Variants in PER3 observed in about 807,000 individuals in gnomAD.
PER3 encodes period circadian regulator 3.
A neutral mutation model predicts 127.2 loss-of-function variants in PER3; 107 were observed. The observed-to-expected ratio is 0.84, with a 90% confidence interval of 0.72 to 0.99. PER3 has a LOEUF of 0.99. Ranked by LOEUF, PER3 falls within the 50% of genes least tolerant of loss-of-function variation. The probability of loss-of-function intolerance (pLI) is 0.00; values close to 1 mark genes in which losing one functional copy is unlikely to be tolerated. For missense variants in PER3, 1,560 were observed against 1,525.8 expected, an observed-to-expected ratio of 1.02 and a Z score of -0.37; for synonymous variants, 618 against 585.8, an observed-to-expected ratio of 1.05 and a Z score of -0.79.
chr1:7,804,088 GTAT>G (rs1374703867), intron 10 of PER3: 1 of 358,722 alleles, frequency 2.8e-6, no homozygotes, highest in Non-Finnish European at 5.0e-6. Flanking sequence ...TTTGCTTGAT[GTAT>G]TATTATATTG....
chr1:7,821,656 C>A (rs979416033), intron 16 of PER3, among the ~76,000 whole-genome samples: 1 of 152,166 alleles, frequency 6.6e-6, no homozygotes, highest in Non-Finnish European at 1.5e-5. Flanking sequence ...TTTCTATACT[C>A]TGCTCTTATA....
At chr1:7,791,041 A>G (rs2097117582) in intron 5 of PER3, among the ~76,000 whole-genome samples, 1 of 152,120 alleles carries the variant, frequency 6.6e-6, no homozygotes, top group African/African-American at 2.4e-5. Context: ...CTCACAGTGC[A>G]AGCTTTTGGT....
intron 7 of PER3, among the ~76,000 whole-genome samples, chr1:7,799,441 A>T (rs977930531): frequency 6.6e-6 from 1 of 152,042 alleles, no homozygotes; most frequent in Non-Finnish European, 1.5e-5. Context: ...CGTCTCTACT[A>T]AAAATTACAA....
intron 21 of PER3, among the ~76,000 whole-genome samples, chr1:7,838,837 T>G (rs2097370303): frequency 6.6e-6 from 1 of 152,232 alleles, no homozygotes; most frequent in South Asian, 2.1e-4. Flanking sequence ...TATCTGTATC[T>G]AGATCTAAAG....
chr1:7,821,840 T>C (rs1179284157), intron 16 of PER3, among the ~76,000 whole-genome samples: 3 of 152,252 alleles, frequency 2.0e-5, no homozygotes, highest in Non-Finnish European at 4.4e-5. Flanking sequence ...TCTATGTCTT[T>C]TGCTTTCTGA....
chr1:7,786,524 G>A (rs1304265744), intron 3 of PER3, among the ~76,000 whole-genome samples, 197 bp from the exon 4 acceptor site: 1 of 152,176 alleles, frequency 6.6e-6, no homozygotes, highest in Non-Finnish European at 1.5e-5. Flanking sequence ...TCCAGAACAT[G>A]CAGAATTCAT....
At chr1:7,839,752 A>G (rs2097375509) in intron 21 of PER3, among the ~76,000 whole-genome samples, 1 of 152,172 alleles carries the variant, frequency 6.6e-6, no homozygotes, top group Non-Finnish European at 1.5e-5. Flanking sequence ...TCTGCTGATA[A>G]TCTTATCGAG....
In PER3 at chr1:7,785,013, G is replaced by C. The variant is rs367837929; in HGVS notation, c.128+8G>C. 9 of 1,570,264 alleles carry C rather than the reference G, an allele frequency of 5.7e-6. No homozygotes were observed. The highest frequency in any genetic ancestry group is 7.7e-6 in the Non-Finnish European group (9 of 1,165,010). On this transcript the variant is annotated splice_region_variant and intron_variant, in intron 2 of 21. Transcript: ENST00000377532. ...GGCGGACAGCAGCCACAGGTGACGC[G>C]CTGGCTTCAGGCCGAGGGCCCCATG...
rs547882305 is a variant in PER3 at position 7,839,431 on chromosome 1, A to C, written c.3549+2282A>C. Among the ~76,000 whole-genome samples the C allele has an allele frequency of 4.3e-4, 66 of 152,372 alleles. No individual in the cohort carries two copies. The South Asian group carries it at 6.0e-3, about 14-fold the overall frequency. Reference sequence around the variant, plus strand: ...AATGTATTAGTTTCTTAAATCATGTAGAAAACAAAAAGTGGAATTGCACAT... The same window carrying C: ...AATGTATTAGTTTCTTAAATCATGTCGAAAACAAAAAGTGGAATTGCACAT... On this transcript the variant is annotated intron_variant, in intron 21 of 21. Coordinates refer to ENST00000377532, the MANE Select transcript of PER3 (RefSeq NM_001377275.1).
intron 16 of PER3, among the ~76,000 whole-genome samples, chr1:7,824,578 T>C (rs1041550252): frequency 6.6e-6 from 1 of 152,232 alleles, no homozygotes; most frequent in Non-Finnish European, 1.5e-5. Flanking sequence ...TTCTTTCTAA[T>C]TGGATGCCAG....
intron 19 of PER3, among the ~76,000 whole-genome samples, chr1:7,833,425 T>C (rs2097342224): frequency 6.6e-6 from 1 of 152,234 alleles, no homozygotes; most frequent in African/African-American, 2.4e-5. Context: ...TTTTGCTTCA[T>C]GTATTTTGAA....
chr1:7,805,689 G>T (rs2097189855), intron 10 of PER3, among the ~76,000 whole-genome samples: 1 of 152,142 alleles, frequency 6.6e-6, no homozygotes, highest in African/African-American at 2.4e-5. Flanking sequence ...TCCGATGGTT[G>T]CTTGGCATGA....
intron 8 of PER3, among the ~76,000 whole-genome samples, chr1:7,802,615 C>T (rs1331610151): frequency 6.6e-6 from 1 of 151,544 alleles, no homozygotes; most frequent in African/African-American, 2.4e-5. Flanking sequence ...GAATTAGCAA[C>T]CTGCATTATT....
intron 16 of PER3, among the ~76,000 whole-genome samples, chr1:7,824,163 C>G (rs996634943): frequency 6.6e-6 from 1 of 151,972 alleles, no homozygotes; most frequent in Non-Finnish European, 1.5e-5. Context: ...TTTAAAAATG[C>G]CGTTAGAGAA....
At chr1:7,812,001 T>C (rs1049381765) in intron 13 of PER3, among the ~76,000 whole-genome samples, 1 of 152,190 alleles carries the variant, frequency 6.6e-6, no homozygotes, top group African/African-American at 2.4e-5. Context: ...TTATCTTAAA[T>C]ACAATTTTTA....
intron 3 of PER3, 129 bp downstream of exon 3, chr1:7,785,715 A>ATACG: frequency 1.4e-6 from 1 of 702,720 alleles, no homozygotes; most frequent in African/African-American, 1.8e-5. Flanking sequence ...GTGGAAGATG[A>ATACG]GCAAATCTAC....
intron 19 of PER3, among the ~76,000 whole-genome samples, chr1:7,834,465 TG>T (rs1339054425): frequency 6.6e-6 from 1 of 152,170 alleles, no homozygotes; most frequent in African/African-American, 2.4e-5. Flanking sequence ...TTGTTGTTGT[TG>T]TTGTTTTGAC....
In PER3 at chr1:7,844,601, G is replaced by A. The variant is rs1037479648; in HGVS notation, c.*1846G>A. On this transcript the variant is annotated 3_prime_UTR_variant, in exon 22 of 22. Transcript: ENST00000377532. ...TCTTTTCCATTGTTTCTGGATATTTGTATTATCCAAATGTGCTTATTTCTT... is the reference window on the plus strand; with the variant it reads ...TCTTTTCCATTGTTTCTGGATATTTATATTATCCAAATGTGCTTATTTCTT... 7.9e-5 allele frequency: 12 copies of A among 152,746 alleles called. No individual in the cohort carries two copies. Among genetic ancestry groups the A allele is most frequent in the African/African-American group, 2.4e-4 (10 of 41,434 alleles). The allele number at this position is 152,746 out of a possible 1,614,324, so 9.5% of individuals were successfully genotyped here.
At chr1:7,798,013 A>G (rs1397385399) in intron 6 of PER3, among the ~76,000 whole-genome samples, 1 of 152,218 alleles carries the variant, frequency 6.6e-6, no homozygotes, top group African/African-American at 2.4e-5. Flanking sequence ...TTTCCTCCTC[A>G]GCCAGATGCC....
Sources: allele counts gnomAD v4.1 joint callset (sites outside exome capture counted in the v4.1 genomes callset), GRCh38; gene constraint gnomAD v4.1.1; transcripts MANE v1.5; gene names NCBI Gene and HGNC (gene_info 2026-07-23, HGNC 2026-07-21).